CACNA2D3: variants seen among roughly 807,000 people sequenced by gnomAD.
The protein encoded by CACNA2D3 is voltage-dependent calcium channel subunit alpha-2/delta-3.
In CACNA2D3, 60 loss-of-function variants were observed where a neutral mutation model predicts 160.6. The observed-to-expected ratio is 0.37, with a 90% CI of 0.30 to 0.46. The LOEUF (loss-of-function observed/expected upper bound fraction) is 0.46, where lower values mean the gene tolerates loss of function less well. CACNA2D3 is among the 20% of genes least tolerant of loss of function. The pLI is 1.00. For missense variants in CACNA2D3, 1,205 were observed against 1,365.0 expected (o/e 0.88, Z 1.85); for synonymous variants, 558 against 492.9 (o/e 1.13, Z -1.75).
chr3:55,060,788 A>C (rs1409212572), intron 35 of CACNA2D3, among the ~76,000 whole-genome samples: 1 of 152,194 alleles, frequency 6.6e-6, no homozygotes, highest in Non-Finnish European at 1.5e-5. Flanking sequence ...AAAAACTTTG[A>C]AAAACTAAAA....
intron 11 of CACNA2D3, among the ~76,000 whole-genome samples, chr3:54,688,979 CAAAAAAAAAAAA>C (rs1162900126): frequency 8.0e-4 from 25 of 31,440 alleles, no homozygotes; most frequent in South Asian, 2.9e-3. Flanking sequence ...GAGACTGTCT[CAAAAAAAAAAAA>C]AAAAAAAAAA....
intron 29 of CACNA2D3, among the ~76,000 whole-genome samples, chr3:54,975,883 C>T (rs999897485): frequency 2.6e-5 from 4 of 152,102 alleles, no homozygotes; most frequent in East Asian, 1.9e-4. Context: ...CTGACCCAGA[C>T]GTCAGTCACT....
chr3:54,633,654 C>T (rs1236718531), intron 10 of CACNA2D3: 1 of 152,206 alleles, frequency 6.6e-6, no homozygotes, highest in Non-Finnish European at 1.5e-5. Flanking sequence ...CATCCCAGTG[C>T]ACATTCCTCC....
At chr3:54,570,827 A>T (rs1702484341) in intron 8 of CACNA2D3, among the ~76,000 whole-genome samples, 1 of 152,108 alleles carries the variant, frequency 6.6e-6, no homozygotes. Flanking sequence ...GGAAATGACC[A>T]CTTATTCAGG....
chr3:54,474,714 CAGA>C (rs544405239), intron 4 of CACNA2D3, among the ~76,000 whole-genome samples: 60 of 152,112 alleles, frequency 3.9e-4, no homozygotes, highest in Non-Finnish European at 7.6e-4. Context: ...CAGGAACAAA[CAGA>C]AGAAGGAGGC....
rs770675947 is a variant in CACNA2D3, at chr3:54,871,611, C to T, written c.1699C>T (p.Arg567Ter). The change falls in exon 18 of 38, where the codon CGA becomes TGA. Residue 567 changes from arginine to a stop codon, truncating the protein, a stop_gained. Transcript: ENST00000474759. LOFTEE classifies it high-confidence loss of function. ...VDLSEVEWED[R>*]DDVLRNAMVN... is the part of the protein sequence containing the mutation. ...CCTCTCTGAGGTGGAGTGGGAAGACCGAGATGACGTGGTAAGTGATTTGTT... is the reference window on the plus strand; with the variant it reads ...CCTCTCTGAGGTGGAGTGGGAAGACTGAGATGACGTGGTAAGTGATTTGTT... 1 of 1,611,692 alleles carries T rather than the reference C, an allele frequency of 6.2e-7. No individual in the cohort carries two copies. Among genetic ancestry groups the T allele is most frequent in the Non-Finnish European group, 8.5e-7 (1 of 1,178,022 alleles).
chr3:55,052,284 G>T (rs1375704014), intron 35 of CACNA2D3, among the ~76,000 whole-genome samples: 2 of 152,026 alleles, frequency 1.3e-5, no homozygotes, highest in African/African-American at 4.8e-5. Flanking sequence ...TTTTATTATG[G>T]TTTGGGAGCA....
chr3:54,821,687 T>TC (rs1491270378), intron 14 of CACNA2D3, among the ~76,000 whole-genome samples: 5 of 127,212 alleles, frequency 3.9e-5, no homozygotes, highest in South Asian at 5.0e-4. Context: ...TTTCTTTCTT[T>TC]CTTTCTTTCT....
intron 5 of CACNA2D3, among the ~76,000 whole-genome samples, chr3:54,547,617 GAGCAGGAAGACAT>G (rs960447914): frequency 6.6e-6 from 1 of 150,472 alleles, no homozygotes; most frequent in African/African-American, 2.4e-5. Context: ...GTCAGTTGCA[GAGCAGGAAGACAT>G]AGAGGATTTA....
intron 13 of CACNA2D3, among the ~76,000 whole-genome samples, chr3:54,797,618 T>A (rs1312732028): frequency 1.3e-5 from 2 of 152,224 alleles, no homozygotes; most frequent in Non-Finnish European, 2.9e-5. Context: ...TTTTGAACTT[T>A]TTTAACTTGA....
Position 54,689,010 on chromosome 3 carries a change from A to AAAAAG in CACNA2D3, c.1167+46770_1167+46771insAAAGA, listed in dbSNP as rs1553785965. ...AAAAAAAAAAAAAAAAAAAAAAAAA[A>AAAAAG]AGAATGAGGTTGTATACATAAAGCA... On this transcript the variant is annotated intron_variant, in intron 11 of 37. Coordinates refer to ENST00000474759, the MANE Select transcript of CACNA2D3 (RefSeq NM_018398.3). Among the ~76,000 whole-genome samples the AAAAAG allele has an allele frequency of 1.3e-3, 108 of 85,492 alleles. 12 individuals carry two copies. Among genetic ancestry groups the AAAAAG allele is most frequent in the Non-Finnish European group, 1.7e-3 (78 of 45,148 alleles). The allele number at this position is 85,492 out of a possible 152,430, so 56.1% of individuals were successfully genotyped here. A position where few individuals can be genotyped will look rare whatever the true frequency, so the allele number is the denominator to read the frequency against.
chr3:54,954,455 T>G (rs750940183), intron 27 of CACNA2D3, among the ~76,000 whole-genome samples: 5 of 152,204 alleles, frequency 3.3e-5, no homozygotes, highest in Admixed American at 6.5e-5. Flanking sequence ...TCTGGTAGTT[T>G]CCAGAGTTAG....
chr3:54,987,108 A>C (rs1650871550), intron 30 of CACNA2D3, among the ~76,000 whole-genome samples: 1 of 152,136 alleles, frequency 6.6e-6, no homozygotes, highest in Non-Finnish European at 1.5e-5. Context: ...TGTCTCCTCA[A>C]GGGGCTGGAT....
At chr3:54,619,707 C>G (rs2106801769) in intron 9 of CACNA2D3, among the ~76,000 whole-genome samples, 2 of 152,332 alleles carry the variant, frequency 1.3e-5, no homozygotes, top group South Asian at 4.1e-4. Flanking sequence ...TACCATGTCA[C>G]TGCTTCCCAC....
chr3:54,376,785 G>A (rs1335542565), intron 3 of CACNA2D3, among the ~76,000 whole-genome samples: 1 of 152,196 alleles, frequency 6.6e-6, no homozygotes, highest in African/African-American at 2.4e-5. Context: ...AGTTGCTGGA[G>A]TCAGGATTTG....
intron 30 of CACNA2D3, among the ~76,000 whole-genome samples, chr3:54,986,790 C>T (rs1702624887): frequency 8.3e-6 from 1 of 119,998 alleles, no homozygotes; most frequent in African/African-American, 3.2e-5. Context: ...AGAGATGGGG[C>T]TTCTCTTCTG....
At chr3:54,349,073 C>A (rs925166286) in intron 3 of CACNA2D3, among the ~76,000 whole-genome samples, 1 of 152,140 alleles carries the variant, frequency 6.6e-6, no homozygotes, top group South Asian at 2.1e-4. Context: ...AAGTGAGAGA[C>A]TCTTGGTTGT....
intron 2 of CACNA2D3, among the ~76,000 whole-genome samples, chr3:54,302,395 C>T (rs1420454149): frequency 6.6e-6 from 1 of 152,138 alleles, no homozygotes; most frequent in African/African-American, 2.4e-5. Flanking sequence ...ACCATCTTAC[C>T]ATTCAGGTAT....
chr3:54,401,093 T>G (rs551618204), intron 4 of CACNA2D3, among the ~76,000 whole-genome samples: 2 of 151,642 alleles, frequency 1.3e-5, no homozygotes, highest in Non-Finnish European at 2.9e-5. Context: ...ATTCAATGAA[T>G]GAAATAAAAA....
Sources: allele counts gnomAD v4.1 joint callset (sites outside exome capture counted in the v4.1 genomes callset), GRCh38; gene constraint gnomAD v4.1.1; transcripts MANE v1.5; gene names NCBI Gene and HGNC (gene_info 2026-07-23, HGNC 2026-07-21).